Variants in ZEB2 observed in about 807,000 individuals in gnomAD.
ZEB2 encodes zinc finger E-box binding homeobox 2, also known as zinc finger E-box-binding homeobox 2.
In ZEB2, 6 loss-of-function variants were observed where a neutral mutation model predicts 99.9. That is an observed-to-expected ratio of 0.06 (90% CI 0.03 to 0.12). The LOEUF (loss-of-function observed/expected upper bound fraction) is 0.12, where lower values mean the gene tolerates loss of function less well. Among genes scored for constraint, ZEB2 ranks in the 10% least tolerant of loss-of-function variants. The pLI is 1.00. For synonymous variants in ZEB2, 517 were observed against 542.5 expected (o/e 0.95, Z 0.65); for missense variants, 969 against 1,502.8 (o/e 0.64, Z 5.87).
In ZEB2 at chr2:144,423,925, T is replaced by G. The variant is rs577639292; in HGVS notation, c.403+871A>C. Among the ~76,000 whole-genome samples the G allele has an allele frequency of 6.6e-5, 10 of 151,760 alleles. No homozygotes were observed. The East Asian group carries it at 1.4e-3, about 21-fold the overall frequency. ...AGTAGAAGTAGTTACATTTTTTTTT[T>G]GTTTTATTTTGGAAGATAATTTTAT... On this transcript the variant is annotated intron_variant, in intron 4 of 9. Coordinates refer to ENST00000627532, the MANE Select transcript of ZEB2 (RefSeq NM_014795.4).
intron 2 of ZEB2, among the ~76,000 whole-genome samples, chr2:144,501,078 G>T (rs145906554): frequency 6.6e-6 from 1 of 151,540 alleles, no homozygotes; most frequent in Non-Finnish European, 1.5e-5. Context: ...ATTGGATGGG[G>T]GGGTAGCGGG....
chr2:144,451,280 G>A (rs1704051283), intron 2 of ZEB2, among the ~76,000 whole-genome samples: 1 of 152,120 alleles, frequency 6.6e-6, no homozygotes, highest in Non-Finnish European at 1.5e-5. Context: ...CTCCATTCCT[G>A]GTAAGATTCT....
intron 2 of ZEB2, among the ~76,000 whole-genome samples, chr2:144,491,770 T>C (rs1284899333): frequency 1.3e-5 from 2 of 152,252 alleles, no homozygotes; most frequent in African/African-American, 2.4e-5. Flanking sequence ...ATGGAGAACA[T>C]GGGAATTTTA....
intron 2 of ZEB2, among the ~76,000 whole-genome samples, chr2:144,446,935 G>T (rs1703993086): frequency 1.3e-5 from 2 of 150,134 alleles, no homozygotes; most frequent in African/African-American, 4.9e-5. Flanking sequence ...AGAATTGCTT[G>T]AACCCAAGAG....
At chr2:144,407,731 A>C (rs1349827259) in intron 4 of ZEB2, among the ~76,000 whole-genome samples, 2 of 152,194 alleles carry the variant, frequency 1.3e-5, no homozygotes, top group Admixed American at 1.3e-4. Flanking sequence ...ATTCGTATCT[A>C]CTTGAGGGTT....
At chr2:144,402,647 G>A (rs1703328533) in intron 6 of ZEB2, among the ~76,000 whole-genome samples, 1 of 152,220 alleles carries the variant, frequency 6.6e-6, no homozygotes, top group South Asian at 2.1e-4. Flanking sequence ...TTCATAATGC[G>A]CCAACACAAT....
At chr2:144,390,072 T>G in intron 9 of ZEB2, 44 bp from the exon 10 acceptor site, 2 of 1,588,456 alleles carry the variant, frequency 1.3e-6, no homozygotes, top group Non-Finnish European at 1.7e-6. Flanking sequence ...TGTCTTTGCA[T>G]GAAGTCTCTT....
At chr2:144,498,032 ATATATATTAATAT>A (rs554008489) in intron 2 of ZEB2, among the ~76,000 whole-genome samples, 2 of 45,740 alleles carry the variant, frequency 4.4e-5, no homozygotes, top group South Asian at 7.2e-4. Flanking sequence ...ATATTATATA[ATATATATTAATAT>A]TATATATTAT....
chr2:144,509,793 G>A (rs1216046895), intron 2 of ZEB2, among the ~76,000 whole-genome samples: 2 of 152,160 alleles, frequency 1.3e-5, no homozygotes, highest in East Asian at 1.9e-4. Flanking sequence ...TCTTGCTGTG[G>A]TCTCATTCCA....
At chr2:144,490,812 C>A (rs1573796325) in intron 2 of ZEB2, among the ~76,000 whole-genome samples, 2 of 152,360 alleles carry the variant, frequency 1.3e-5, no homozygotes, top group East Asian at 3.9e-4. Context: ...ATTTCCCATT[C>A]TCTTCCTTTT....
Position 144,399,963 on chromosome 2 carries a change from C to A in ZEB2, c.1224G>T (p.Gly408=). 4 of 1,614,194 alleles carry A rather than the reference C, an allele frequency of 2.5e-6. No homozygotes were observed. The highest frequency in any genetic ancestry group is 3.4e-6 in the Non-Finnish European group (4 of 1,180,026). Reference sequence around the variant, plus strand: ...TCATAAAGGGACTAGTGCCACTAAACCCGTGTGTAGCCATAAGAACTTTAT... The same window carrying A: ...TCATAAAGGGACTAGTGCCACTAAAACCGTGTGTAGCCATAAGAACTTTAT... The part of the protein sequence containing the change: ...NDYKVLMATH[G]FSGTSPFMNG... Residue 408 remains glycine, a synonymous_variant, in exon 8 of 10, where the codon GGG becomes GGT. Coordinates refer to ENST00000627532, the MANE Select transcript of ZEB2 (RefSeq NM_014795.4). This position sits in a 1 kb window ranked among gnomAD's most constrained non-coding sequence, Gnocchi z 5.6.
Position 144,389,544 on chromosome 2 carries a change from C to G in ZEB2, c.3552G>C (p.Glu1184Asp). 2 of 1,614,070 alleles carry G rather than the reference C, an allele frequency of 1.2e-6. No homozygotes were observed. Among genetic ancestry groups the G allele is most frequent in the Non-Finnish European group, 1.7e-6 (2 of 1,180,030 alleles). ...TATCGTCCATGGAGTGATCTCCAGT[C>G]TCTTCTTCATCTCGTATCGTTTCGG... is the stretch of plus-strand genomic sequence containing the variant. ...TDPETIRDEEETGDHSMDDSS... is the reference protein window; with the variant it reads ...TDPETIRDEEDTGDHSMDDSS... The change falls in exon 10 of 10, where the codon GAG (glutamate) becomes GAC (aspartate). Residue 1184 changes from glutamate (E) to aspartate (D), a missense_variant. Glu to Asp is a conservative substitution (Grantham distance 45). Around this residue, in one of 8 missense-constraint regions of ZEB2, gnomAD observed 121 missense variants for 166.4 expected, o/e 0.73. Transcript: ENST00000627532. This position sits in a 1 kb window ranked among gnomAD's most constrained non-coding sequence, Gnocchi z 6.8.
chr2:144,410,419 C>G (rs1238179372), intron 4 of ZEB2, among the ~76,000 whole-genome samples: 1 of 152,066 alleles, frequency 6.6e-6, no homozygotes, highest in Non-Finnish European at 1.5e-5. Flanking sequence ...ATTTTTCAGA[C>G]AGATAATAAT....
chr2:144,405,533 C>T (rs1353799696), intron 4 of ZEB2, among the ~76,000 whole-genome samples: 1 of 151,842 alleles, frequency 6.6e-6, no homozygotes, highest in African/African-American at 2.4e-5. Context: ...CTGAATGTCA[C>T]AGACAGCCAG....
At chr2:144,401,649 A>G (rs762059279) in intron 6 of ZEB2, among the ~76,000 whole-genome samples, 48 of 152,234 alleles carry the variant, frequency 3.2e-4, no homozygotes, top group Non-Finnish European at 3.8e-4. Flanking sequence ...TAAAATATGA[A>G]CATTCTCTGC....
intron 2 of ZEB2, chr2:144,513,912 T>G: frequency 6.7e-7 from 1 of 1,490,090 alleles, no homozygotes; most frequent in Non-Finnish European, 8.9e-7. Context: ...CTGAGGATCA[T>G]CTGACTGAAC....
intron 2 of ZEB2, among the ~76,000 whole-genome samples, chr2:144,510,169 TGA>T (rs1195440893): frequency 6.6e-6 from 1 of 152,182 alleles, no homozygotes. Context: ...TTGGCTCATT[TGA>T]GAGTTTCTTC....
chr2:144,504,321 A>G (rs1188979576), intron 2 of ZEB2: 1 of 152,194 alleles, frequency 6.6e-6, no homozygotes, highest in Non-Finnish European at 1.5e-5. Flanking sequence ...CTGAATCTCA[A>G]CCTTTCAAGC....
At chr2:144,512,646 C>T in intron 2 of ZEB2, 1 of 1,287,212 alleles carries the variant, frequency 7.8e-7, no homozygotes, top group Non-Finnish European at 1.0e-6. Flanking sequence ...CCTCAGCCCA[C>T]CCTTAGTCCT....
Sources: allele counts gnomAD v4.1 joint callset (sites outside exome capture counted in the v4.1 genomes callset), GRCh38; gene constraint gnomAD v4.1.1; regional missense constraint gnomAD v4.1.1; non-coding constraint Gnocchi (gnomAD v3.1); transcripts MANE v1.5; gene names NCBI Gene and HGNC (gene_info 2026-07-23, HGNC 2026-07-21).